The following PLEKHM3 variants were observed in gnomAD, a reference collection of about 807,000 sequenced individuals.
The protein encoded by PLEKHM3 is pleckstrin homology domain containing M3, also known as pleckstrin homology domain-containing family M member 3.
A neutral mutation model predicts 81.8 loss-of-function variants in PLEKHM3; 45 were observed. The ratio of observed to expected loss-of-function variants is 0.55; its 90% CI spans 0.43 to 0.71. PLEKHM3 has a LOEUF of 0.71. Among genes scored for constraint, PLEKHM3 ranks in the 30% least tolerant of loss-of-function variants. The pLI, the probability that PLEKHM3 is intolerant of heterozygous loss-of-function variation, is 0.00. For missense variants in PLEKHM3, 788 were observed against 924.3 expected, an observed-to-expected ratio of 0.85 and a Z score of 1.91; for synonymous variants, 352 against 356.4, an observed-to-expected ratio of 0.99 and a Z score of 0.14.
At chr2:207,923,855 G>GCGCA (rs1257171999) in intron 5 of PLEKHM3, among the ~76,000 whole-genome samples, 21 of 18,910 alleles carry the variant, frequency 1.1e-3, no homozygotes, top group South Asian at 3.2e-3. Context: ...ACACACGCAC[G>GCGCA]CACACACACA....
At chr2:207,907,312 G>GC (rs1688642355) in intron 6 of PLEKHM3, among the ~76,000 whole-genome samples, 1 of 152,060 alleles carries the variant, frequency 6.6e-6, no homozygotes, top group African/African-American at 2.4e-5. Flanking sequence ...GACCAGCCTG[G>GC]CCAACATGGT....
chr2:207,829,862 G>A (rs1375643025), intron 7 of PLEKHM3, among the ~76,000 whole-genome samples: 2 of 152,118 alleles, frequency 1.3e-5, no homozygotes, highest in African/African-American at 2.4e-5. Context: ...TCAGTGCCAG[G>A]TGCAGGATGG....
chr2:207,898,020 T>C (rs1324508917), intron 6 of PLEKHM3, among the ~76,000 whole-genome samples: 1 of 152,230 alleles, frequency 6.6e-6, no homozygotes, highest in Non-Finnish European at 1.5e-5. Flanking sequence ...GCTGTCAGCC[T>C]GTGCAAGTCT....
chr2:207,974,683 A>G (rs1009905673), intron 3 of PLEKHM3, among the ~76,000 whole-genome samples: 2 of 152,214 alleles, frequency 1.3e-5, no homozygotes, highest in African/African-American at 4.8e-5. Context: ...ATGTACTAGT[A>G]TAAGACACTG....
intron 5 of PLEKHM3, among the ~76,000 whole-genome samples, chr2:207,913,962 C>T (rs976569375): frequency 4.6e-5 from 7 of 151,974 alleles, no homozygotes; most frequent in South Asian, 4.2e-4. Context: ...CCTGACCGCG[C>T]GTGTGCGTGC....
At chr2:207,833,811 C>T (rs868578933) in intron 7 of PLEKHM3, among the ~76,000 whole-genome samples, 1 of 152,244 alleles carries the variant, frequency 6.6e-6, no homozygotes, top group Non-Finnish European at 1.5e-5. Context: ...GGGATACTTA[C>T]ACAGGACTCC....
In PLEKHM3 at chr2:207,831,918, C is replaced by T. The variant is rs188529175; in HGVS notation, c.2109-3422G>A. Among the ~76,000 whole-genome samples, 373 of 152,344 alleles carry T rather than the reference C, an allele frequency of 2.4e-3. 7 individuals are homozygous for T. Among genetic ancestry groups the T allele is most frequent in the East Asian group, 5.2e-3 (27 of 5,186 alleles). ...AAATTTCCTCCTTCCAGCCCCCTTTCCCCTGCTGGGTTAGTCAGTGATTTA... is the reference window on the plus strand; with the variant it reads ...AAATTTCCTCCTTCCAGCCCCCTTTTCCCTGCTGGGTTAGTCAGTGATTTA... On this transcript the variant is annotated intron_variant, in intron 7 of 7. Coordinates refer to ENST00000427836, the MANE Select transcript of PLEKHM3 (RefSeq NM_001080475.3).
intron 4 of PLEKHM3, among the ~76,000 whole-genome samples, chr2:207,934,688 T>C (rs115094482): frequency 5.8e-4 from 88 of 152,158 alleles, no homozygotes; most frequent in Middle Eastern, 3.4e-3. Flanking sequence ...GTGGAGAAAA[T>C]GGTAAAATCA....
At chr2:208,020,063 G>A (rs1245916078) in intron 1 of PLEKHM3, among the ~76,000 whole-genome samples, 1 of 152,178 alleles carries the variant, frequency 6.6e-6, no homozygotes, top group African/African-American at 2.4e-5. Flanking sequence ...CATGTTTTTT[G>A]TTCTGTGACT....
intron 4 of PLEKHM3, 48 bp downstream of exon 4, chr2:207,946,319 T>C (rs748560528): frequency 3.2e-6 from 5 of 1,578,650 alleles, no homozygotes; most frequent in East Asian, 2.3e-5. Context: ...TGAGAACATA[T>C]GAACACCTGA....
chr2:207,972,151 A>G (rs1691143972), intron 3 of PLEKHM3, among the ~76,000 whole-genome samples: 2 of 152,246 alleles, frequency 1.3e-5, no homozygotes, highest in African/African-American at 4.8e-5. Context: ...ATCTAGGTGC[A>G]TCCAAGTTTC....
intron 6 of PLEKHM3, among the ~76,000 whole-genome samples, chr2:207,905,348 G>A (rs1344718977): frequency 1.3e-5 from 2 of 152,202 alleles, no homozygotes; most frequent in African/African-American, 2.4e-5. Context: ...ACAAGAAGCA[G>A]GATGATGAAG....
intron 6 of PLEKHM3, among the ~76,000 whole-genome samples, chr2:207,870,600 G>T (rs2092528406): frequency 6.6e-6 from 1 of 152,218 alleles, no homozygotes; most frequent in African/African-American, 2.4e-5. Flanking sequence ...AACCATGAAA[G>T]GTTGCATTTT....
chr2:207,918,459 T>C (rs2105916802), intron 5 of PLEKHM3, among the ~76,000 whole-genome samples: 1 of 152,156 alleles, frequency 6.6e-6, no homozygotes, highest in Middle Eastern at 3.4e-3. Flanking sequence ...GAGGCGGAGC[T>C]TGCAGTGAGC....
intron 7 of PLEKHM3, among the ~76,000 whole-genome samples, chr2:207,860,487 C>T (rs1050230980): frequency 1.3e-5 from 2 of 151,368 alleles, no homozygotes; most frequent in Admixed American, 6.6e-5. Context: ...ATTTCTATTA[C>T]GCTTTTGGGA....
chr2:207,933,579 G>A (rs1162153881), intron 4 of PLEKHM3, among the ~76,000 whole-genome samples: 1 of 152,118 alleles, frequency 6.6e-6, no homozygotes, highest in African/African-American at 2.4e-5. Context: ...CCTTTTAGTA[G>A]GTGAACAGAG....
chr2:207,994,659 A>C (rs1692010721), intron 2 of PLEKHM3, among the ~76,000 whole-genome samples: 1 of 152,192 alleles, frequency 6.6e-6, no homozygotes, highest in Non-Finnish European at 1.5e-5. Flanking sequence ...GATCCTGAGA[A>C]AGCTTTGGTG....
At position 207,930,899 on chromosome 2, in the gene PLEKHM3, G is replaced by A. The variant is rs760935637; in HGVS notation, c.1886+27C>T. 3 of 1,602,592 alleles carry A rather than the reference G, an allele frequency of 1.9e-6. No individual in the cohort carries two copies. In the East Asian group the frequency reaches 6.7e-5, roughly 36 times the overall value. On this transcript the variant is annotated intron_variant, in intron 5 of 7. Coordinates refer to ENST00000427836, the MANE Select transcript of PLEKHM3 (RefSeq NM_001080475.3). ...GTGGGCGGGAAAGAAAAACAAACGG[G>A]AGCCGTCTGAGATTTATGACTCTTA...
chr2:207,835,574 T>C (rs993995861), intron 7 of PLEKHM3, among the ~76,000 whole-genome samples: 2 of 152,152 alleles, frequency 1.3e-5, no homozygotes, highest in African/African-American at 4.8e-5. Context: ...GTAGTTTTGG[T>C]ACCTCCCCAG....
Sources: allele counts gnomAD v4.1 joint callset (sites outside exome capture counted in the v4.1 genomes callset), GRCh38; gene constraint gnomAD v4.1.1; transcripts MANE v1.5; gene names NCBI Gene and HGNC (gene_info 2026-07-23, HGNC 2026-07-21).